The following PCSK7 variants were observed in gnomAD, a reference collection of about 807,000 sequenced individuals.
PCSK7 encodes the protein lymphoma proprotein convertase.
In PCSK7, 38 loss-of-function variants were observed where a neutral mutation model predicts 73.3. That is an observed-to-expected ratio of 0.52 (90% confidence interval 0.40 to 0.68). The LOEUF (loss-of-function observed/expected upper bound fraction) is 0.68. Ranked by LOEUF, PCSK7 falls within the 30% of genes least tolerant of loss-of-function variation. The pLI is 0.00. For synonymous variants in PCSK7, 296 were observed against 383.8 expected (o/e 0.77, Z 2.68); for missense variants, 692 against 991.5 (o/e 0.70, Z 4.06).
At chr11:117,221,017 C>CA (rs1491308740) in intron 9 of PCSK7, 1 of 152,314 alleles carries the variant, frequency 6.6e-6, no homozygotes, top group Admixed American at 6.5e-5. Flanking sequence ...CCTGGAGACT[C>CA]AGAGGGTTTA....
At chr11:117,231,531 T>A (rs2032665851) in intron 1 of PCSK7, among the ~76,000 whole-genome samples, 1 of 152,142 alleles carries the variant, frequency 6.6e-6, no homozygotes. Context: ...CCACCACAGA[T>A]GTCAGGAAGA....
chr11:117,223,189 G>C lies in PCSK7; in HGVS notation c.1155+19C>G. ...TTGTGGGAAAGGGGCAGGCCGTGGAGGGCCCGGGAGGCACTCACAATGCTC... is the reference window on the plus strand; with the variant it reads ...TTGTGGGAAAGGGGCAGGCCGTGGACGGCCCGGGAGGCACTCACAATGCTC... On this transcript the variant is annotated intron_variant, in intron 9 of 16. Transcript: ENST00000320934. The C allele has an allele frequency of 6.7e-7, 1 of 1,484,786 alleles. No homozygotes were observed. Among genetic ancestry groups the C allele is most frequent in the Non-Finnish European group, 9.4e-7 (1 of 1,062,154 alleles). The allele number at this position is 1,484,786 out of a possible 1,614,324, so 92.0% of individuals were successfully genotyped here. A position where few individuals can be genotyped will look rare whatever the true frequency, so the allele number is the denominator to read the frequency against.
chr11:117,224,855 T>C (rs919263786), intron 6 of PCSK7, 100 bp from the exon 7 acceptor site: 27 of 828,536 alleles, frequency 3.3e-5, no homozygotes, highest in Admixed American at 6.9e-5. Context: ...GACCTGCAGC[T>C]CTTAACTCCT....
In PCSK7 at chr11:117,205,643, C is replaced by A; in HGVS notation, c.*354G>T. 3.8e-6 allele frequency: 1 copy of A among 260,710 alleles called. No homozygotes were observed. The highest frequency in any genetic ancestry group is 7.3e-6 in the Non-Finnish European group (1 of 137,368). The allele number at this position is 260,710 out of a possible 1,614,324, so 16.1% of individuals were successfully genotyped here. A position where few individuals can be genotyped will look rare whatever the true frequency, so the allele number is the denominator to read the frequency against. On this transcript the variant is annotated 3_prime_UTR_variant, in exon 17 of 17. Coordinates refer to ENST00000320934, the MANE Select transcript of PCSK7 (RefSeq NM_004716.4). ...CATTGAGATGCGCTCCTGGCTATGG[C>A]AGGCACCTTCTCAACTTATATGTGG... is the stretch of plus-strand genomic sequence containing the variant.
intron 4 of PCSK7, among the ~76,000 whole-genome samples, chr11:117,227,944 C>T (rs2032495144): frequency 6.6e-6 from 1 of 152,140 alleles, no homozygotes; most frequent in Non-Finnish European, 1.5e-5. Context: ...GAGGAAGGCA[C>T]TCGGATTTCC....
intron 12 of PCSK7, chr11:117,210,086 C>T (rs1489603691): frequency 6.6e-6 from 1 of 152,190 alleles, no homozygotes; most frequent in Non-Finnish European, 1.5e-5. Context: ...TACAGCTACA[C>T]ACGCGCATAC....
At chr11:117,230,868 C>T (rs2032626773) in intron 1 of PCSK7, among the ~76,000 whole-genome samples, 1 of 152,026 alleles carries the variant, frequency 6.6e-6, no homozygotes, top group Non-Finnish European at 1.5e-5. Context: ...CCAGAGAGTG[C>T]AAACAAAACA....
chr11:117,214,746 G>A (rs2031889031), intron 12 of PCSK7: 1 of 152,208 alleles, frequency 6.6e-6, no homozygotes, highest in South Asian at 2.1e-4. Flanking sequence ...GAGGTAGCAG[G>A]GACTTGCATT....
chr11:117,223,407 C>A, intron 8 of PCSK7, 99 bp from the exon 9 acceptor site: 1 of 756,086 alleles, frequency 1.3e-6, no homozygotes. Context: ...TCCTGGGGGG[C>A]TGTCCTGAGT....
intron 9 of PCSK7, 81 bp downstream of exon 9, chr11:117,223,127 A>C: frequency 3.6e-6 from 3 of 841,660 alleles, no homozygotes; most frequent in Non-Finnish European, 6.2e-6. Context: ...GAAGCAGGGA[A>C]CAGTGAGAAG....
In PCSK7 at chr11:117,205,724, G is replaced by A. The variant is rs1300377946; in HGVS notation, c.*273C>T. 1 of 356,612 alleles carries A rather than the reference G, an allele frequency of 2.8e-6. No individual in the cohort carries two copies. The highest frequency in any genetic ancestry group is 4.2e-5 in the East Asian group (1 of 23,652). 22.1% of individuals were successfully genotyped at this position (356,612 alleles called of 1,614,324 possible). ...GCAGCTGGCTTGGCCCAAGAGAGAT[G>A]AGGATGGAGGCCAAACCAAAGGGGG... On this transcript the variant is annotated 3_prime_UTR_variant, in exon 17 of 17. Coordinates refer to ENST00000320934, the MANE Select transcript of PCSK7 (RefSeq NM_004716.4).
rs1281427091 is a variant in PCSK7, at chr11:117,224,228, A to G, written c.916-12T>C. On this transcript the variant is annotated splice_polypyrimidine_tract_variant and intron_variant, in intron 7 of 16. Transcript: ENST00000320934. ...TGTTGTAAGGCAGCCTGAGGAGCCA[A>G]AACATCAGGGTGTCAGTTGAGGAAC... is the stretch of plus-strand genomic sequence containing the variant. 5.6e-6 allele frequency: 9 copies of G among 1,613,832 alleles called. No homozygotes were observed. In the South Asian group the frequency reaches 9.9e-5, roughly 18 times the overall value.
chr11:117,223,364 G>T, intron 8 of PCSK7, 56 bp from the exon 9 acceptor site: 1 of 1,077,416 alleles, frequency 9.3e-7, no homozygotes, highest in Non-Finnish European at 1.4e-6. Flanking sequence ...CTGTGGCAGG[G>T]GCTTGCTAAT....
chr11:117,210,048 A>T (rs1458610990), intron 12 of PCSK7: 1 of 152,288 alleles, frequency 6.6e-6, no homozygotes, highest in African/African-American at 2.4e-5. Flanking sequence ...GGTGGTAGTT[A>T]TGCAAGGCTA....
intron 5 of PCSK7, 114 bp from the exon 6 acceptor site, chr11:117,226,135 A>C (rs1194258242): frequency 3.1e-5 from 19 of 618,780 alleles, no homozygotes; most frequent in Non-Finnish European, 5.2e-5. Flanking sequence ...CTCTTTGTAC[A>C]TTTTGCTTTT....
rs568363441 is a variant in PCSK7 at position 117,229,580 on chromosome 11, T to C, written c.265A>G (p.Ile89Val). The C allele has an allele frequency of 5.0e-5, 81 of 1,614,080 alleles. No homozygotes were observed. In the East Asian group the frequency reaches 1.5e-3, roughly 29 times the overall value. ...AGGTAGTGCCCCTGAAGCTCTCCGATGCGTCCAGCATTCACCAGCCCTGCT... is the reference window on the plus strand; with the variant it reads ...AGGTAGTGCCCCTGAAGCTCTCCGACGCGTCCAGCATTCACCAGCCCTGCT... ...QAAGLVNAGR[I>V]GELQGHYLFV... Residue 89 changes from isoleucine (I) to valine (V), a missense_variant, in exon 3 of 17, where the codon ATC (isoleucine) becomes GTC (valine). This residue lies in a region of PCSK7 where 574 missense variants were observed against 689.8 expected (regional missense o/e 0.83). Coordinates refer to ENST00000320934, the MANE Select transcript of PCSK7 (RefSeq NM_004716.4).
rs1486530848 is a variant in PCSK7 at position 117,218,459 on chromosome 11, T to C, written c.1534+7A>G. The C allele has an allele frequency of 6.5e-7, 1 of 1,549,354 alleles. No homozygotes were observed. Among genetic ancestry groups the C allele is most frequent in the East Asian group, 2.3e-5 (1 of 43,558 alleles). On this transcript the variant is annotated splice_region_variant and intron_variant, in intron 12 of 16. Coordinates refer to ENST00000320934, the MANE Select transcript of PCSK7 (RefSeq NM_004716.4). This position sits in a 1 kb window ranked among gnomAD's most constrained non-coding sequence, Gnocchi z 4.0. ...TAAGATTAACCCCCTTTGTGCTGAT[T>C]ACTTACCATTCCACAGGACCTCCAG...
At chr11:117,219,538 C>T (rs751021796) in intron 10 of PCSK7, 53 bp downstream of exon 10, 19 of 1,556,482 alleles carry the variant, frequency 1.2e-5, no homozygotes, top group African/African-American at 2.8e-5. Flanking sequence ...ACCTGATACC[C>T]GAACTCTGGA....
chr11:117,225,552 C>G (rs982283698), intron 6 of PCSK7: 5 of 232,234 alleles, frequency 2.2e-5, no homozygotes, highest in African/African-American at 1.1e-4. Context: ...CCATTTCCTT[C>G]TTGTCCAGTC....
Sources: gnomAD v4.1 joint callset for allele counts (sites outside exome capture counted in the v4.1 genomes callset) on GRCh38, gnomAD v4.1.1 for gene constraint, gnomAD v4.1.1 regional missense constraint, Gnocchi (gnomAD v3.1) non-coding constraint, MANE v1.5 for transcripts, NCBI Gene and HGNC (gene_info 2026-07-23, HGNC 2026-07-21) for gene names.